TMTC2: variants seen among roughly 807,000 people sequenced by gnomAD.
TMTC2 encodes the protein protein O-mannosyl-transferase TMTC2.
A neutral mutation model predicts 82.4 loss-of-function variants in TMTC2; 43 were observed. The observed-to-expected ratio is 0.52, with a 90% confidence interval of 0.41 to 0.67. The LOEUF (loss-of-function observed/expected upper bound fraction) is 0.67. Ranked by LOEUF, TMTC2 falls within the 30% of genes least tolerant of loss-of-function variation. The pLI is 0.00. For missense variants in TMTC2, 919 were observed against 1,012.4 expected, an observed-to-expected ratio of 0.91 and a Z score of 1.25; for synonymous variants, 408 against 381.9, an observed-to-expected ratio of 1.07 and a Z score of -0.80.
At chr12:82,989,636 C>T (rs946643113) in intron 8 of TMTC2, among the ~76,000 whole-genome samples, 18 of 151,504 alleles carry the variant, frequency 1.2e-4, no homozygotes, top group Non-Finnish European at 2.4e-4. Flanking sequence ...ATGCTTAGAC[C>T]ATGGCACTCG....
chr12:83,030,691 TCC>T, intron 8 of TMTC2, 105 bp from the exon 9 acceptor site: 1 of 864,322 alleles, frequency 1.2e-6, no homozygotes, highest in Non-Finnish European at 1.8e-6. Context: ...TTTTTTCCTT[TCC>T]TATGATGATT....
intron 1 of TMTC2, among the ~76,000 whole-genome samples, chr12:82,765,994 T>G (rs1876939062): frequency 6.6e-6 from 1 of 152,148 alleles, no homozygotes; most frequent in African/African-American, 2.4e-5. Flanking sequence ...GCCCAAAACG[T>G]GTATTGCCAT....
At chr12:82,716,796 T>C (rs930049883) in intron 1 of TMTC2, among the ~76,000 whole-genome samples, 7 of 152,202 alleles carry the variant, frequency 4.6e-5, no homozygotes, top group African/African-American at 1.7e-4. Flanking sequence ...CATCATTCAC[T>C]AATAGAAAAT....
At chr12:82,872,011 C>G (rs1464058827) in intron 2 of TMTC2, among the ~76,000 whole-genome samples, 2 of 136,906 alleles carry the variant, frequency 1.5e-5, no homozygotes, top group East Asian at 2.2e-4. Flanking sequence ...CAACACCCCC[C>G]CCCCCGCCCA....
At chr12:82,810,532 A>T (rs1565760199) in intron 1 of TMTC2, among the ~76,000 whole-genome samples, 1 of 152,048 alleles carries the variant, frequency 6.6e-6, no homozygotes. Context: ...GGTCTGTAAG[A>T]TCCTCTTTCA....
At chr12:82,976,581 A>G (rs1026077222) in intron 7 of TMTC2, among the ~76,000 whole-genome samples, 3 of 151,986 alleles carry the variant, frequency 2.0e-5, no homozygotes, top group African/African-American at 7.2e-5. Context: ...TTTCAATACT[A>G]CTGTACTGTA....
intron 3 of TMTC2, among the ~76,000 whole-genome samples, chr12:82,911,172 G>T (rs1327064595): frequency 6.6e-6 from 1 of 152,068 alleles, no homozygotes; most frequent in Admixed American, 6.5e-5. Context: ...GAGCCACTGC[G>T]CCCGGCGGGT....
At chr12:82,723,401 T>A (rs935179264) in intron 1 of TMTC2, among the ~76,000 whole-genome samples, 1 of 152,170 alleles carries the variant, frequency 6.6e-6, no homozygotes, top group Non-Finnish European at 1.5e-5. Context: ...TAATAAAGGT[T>A]TATTATCTCT....
intron 2 of TMTC2, among the ~76,000 whole-genome samples, chr12:82,878,901 T>G (rs1872698279): frequency 6.6e-6 from 1 of 151,936 alleles, no homozygotes; most frequent in South Asian, 2.1e-4. Context: ...AATGAAAAAT[T>G]AGAAACAAAT....
At chr12:83,065,599 T>C (rs1042865884) in intron 11 of TMTC2, among the ~76,000 whole-genome samples, 2 of 151,964 alleles carry the variant, frequency 1.3e-5, no homozygotes, top group Non-Finnish European at 2.9e-5. Flanking sequence ...GGAAAACTCC[T>C]TACCGAAATT....
intron 11 of TMTC2, among the ~76,000 whole-genome samples, chr12:83,116,257 T>C (rs1381341605): frequency 6.6e-6 from 1 of 152,188 alleles, no homozygotes; most frequent in Non-Finnish European, 1.5e-5. Flanking sequence ...ATTAATTCTT[T>C]CCTTTTTATG....
chr12:82,911,490 G>T (rs889870016), intron 3 of TMTC2, among the ~76,000 whole-genome samples: 11 of 152,088 alleles, frequency 7.2e-5, no homozygotes, highest in African/African-American at 2.2e-4. Flanking sequence ...ATCTAGGAGG[G>T]ACATAAATAT....
At chr12:82,920,121 A>T (rs1188421739) in intron 3 of TMTC2, among the ~76,000 whole-genome samples, 2 of 151,586 alleles carry the variant, frequency 1.3e-5, no homozygotes, top group African/African-American at 4.9e-5. Flanking sequence ...AGAGCAGTGT[A>T]TGCCAAATTA....
At chr12:82,992,166 A>G (rs1879430089) in intron 8 of TMTC2, among the ~76,000 whole-genome samples, 1 of 152,226 alleles carries the variant, frequency 6.6e-6, no homozygotes, top group South Asian at 2.1e-4. Flanking sequence ...GAAAAGTCCC[A>G]TACCCCAGGC....
chr12:82,815,823 C>T (rs750310100), intron 1 of TMTC2, among the ~76,000 whole-genome samples: 50 of 151,968 alleles, frequency 3.3e-4, no homozygotes, highest in Non-Finnish European at 6.5e-4. Flanking sequence ...GTCCATTCTC[C>T]GGAAGGAATA....
At chr12:82,747,790 A>G (rs1223116939) in intron 1 of TMTC2, among the ~76,000 whole-genome samples, 2 of 152,110 alleles carry the variant, frequency 1.3e-5, no homozygotes, top group African/African-American at 4.8e-5. Context: ...TTTAGCAACT[A>G]TTTGATTGGG....
intron 1 of TMTC2, among the ~76,000 whole-genome samples, chr12:82,761,454 C>T (rs374726565): frequency 6.6e-4 from 100 of 152,270 alleles, no homozygotes; most frequent in African/African-American, 2.2e-3. Flanking sequence ...AATTCACACC[C>T]GTGGCCATCC....
At chr12:83,062,300 GT>G (rs1014776435) in intron 11 of TMTC2, among the ~76,000 whole-genome samples, 28 of 151,794 alleles carry the variant, frequency 1.8e-4, no homozygotes, top group African/African-American at 6.5e-4. Context: ...TATCAAGAAT[GT>G]TTTTATTACA....
At chr12:82,991,047 T>C (rs1408944475) in intron 8 of TMTC2, among the ~76,000 whole-genome samples, 2 of 152,154 alleles carry the variant, frequency 1.3e-5, no homozygotes, top group Admixed American at 6.6e-5. Flanking sequence ...ACATGTGATA[T>C]TTAATAGAAG....
Sources: gnomAD v4.1 joint callset for allele counts (sites outside exome capture counted in the v4.1 genomes callset) on GRCh38, gnomAD v4.1.1 for gene constraint, MANE v1.5 for transcripts, NCBI Gene and HGNC (gene_info 2026-07-23, HGNC 2026-07-21) for gene names.